Variants in PKP4 observed in about 807,000 individuals in gnomAD.
PKP4 encodes plakophilin 4.
Under a neutral mutation model 145.1 loss-of-function variants are expected in PKP4, and 90 were observed. That is an observed-to-expected ratio of 0.62 (90% CI 0.52 to 0.74). The LOEUF is 0.74. Ranked by LOEUF, PKP4 falls within the 30% of genes least tolerant of loss-of-function variation. The probability of loss-of-function intolerance (pLI) is 0.00; values close to 1 mark genes in which losing one functional copy is unlikely to be tolerated. For missense variants in PKP4, 1,340 were observed against 1,482.7 expected, an observed-to-expected ratio of 0.90 and a Z score of 1.58; for synonymous variants, 563 against 577.2, an observed-to-expected ratio of 0.98 and a Z score of 0.35.
At chr2:158,504,010 A>G (rs1696966352) in intron 1 of PKP4, among the ~76,000 whole-genome samples, 1 of 150,104 alleles carries the variant, frequency 6.7e-6, no homozygotes, top group African/African-American at 2.5e-5. Context: ...TTGAGATATA[A>G]GAAAACATAG....
At chr2:158,642,967 A>T (rs150659282) in intron 11 of PKP4, among the ~76,000 whole-genome samples, 18 of 152,356 alleles carry the variant, frequency 1.2e-4, no homozygotes, top group African/African-American at 4.3e-4. Context: ...AGGACTAAAT[A>T]TGACATTTTT....
intron 7 of PKP4, among the ~76,000 whole-genome samples, chr2:158,631,056 G>A (rs931168768): frequency 3.3e-5 from 5 of 152,092 alleles, no homozygotes; most frequent in Non-Finnish European, 5.9e-5. Flanking sequence ...TCCTGCCTCA[G>A]CCTCCCGAGT....
At chr2:158,594,424 A>G (rs1460630798) in intron 3 of PKP4, among the ~76,000 whole-genome samples, 6 of 152,210 alleles carry the variant, frequency 3.9e-5, no homozygotes, top group Admixed American at 3.3e-4. Context: ...AGGTCATAAC[A>G]CATAAAAATA....
chr2:158,673,584 G>A (rs1440628872), intron 17 of PKP4, 93 bp from the exon 18 acceptor site: 8 of 899,792 alleles, frequency 8.9e-6, no homozygotes, highest in Non-Finnish European at 1.5e-5. Flanking sequence ...TGAGAGCGAT[G>A]GCCTGTTGGC....
chr2:158,461,188 T>G (rs4664960), intron 1 of PKP4, among the ~76,000 whole-genome samples: 57,993 of 152,064 alleles, frequency 0.38, 11,923 homozygotes, highest in East Asian at 0.68. Flanking sequence ...CTTGTCACTT[T>G]AATAATTCAG....
intron 2 of PKP4, among the ~76,000 whole-genome samples, chr2:158,576,402 A>C (rs1414194613): frequency 6.6e-6 from 1 of 152,364 alleles, no homozygotes; most frequent in African/African-American, 2.4e-5. Flanking sequence ...GTGAGGAGAC[A>C]GTATGGCACA....
chr2:158,487,999 A>G (rs1275039293), intron 1 of PKP4, among the ~76,000 whole-genome samples: 1 of 152,150 alleles, frequency 6.6e-6, no homozygotes, highest in African/African-American at 2.4e-5. Flanking sequence ...GGAATTATTC[A>G]TTTCTGATTT....
chr2:158,539,589 T>G (rs935237428), intron 2 of PKP4, among the ~76,000 whole-genome samples: 4 of 152,226 alleles, frequency 2.6e-5, no homozygotes, highest in Non-Finnish European at 5.9e-5. Context: ...ATTGGCAACT[T>G]AGTTATTTTT....
chr2:158,532,382 C>T (rs912474574), intron 1 of PKP4, among the ~76,000 whole-genome samples: 1 of 152,130 alleles, frequency 6.6e-6, no homozygotes, highest in African/African-American at 2.4e-5. Flanking sequence ...ATTTAGCAAA[C>T]ATTAATTGAA....
At chr2:158,550,150 A>G (rs1218584184) in intron 2 of PKP4, among the ~76,000 whole-genome samples, 1 of 101,058 alleles carries the variant, frequency 9.9e-6, no homozygotes, top group Non-Finnish European at 2.8e-5. Context: ...AAGAAGTTAA[A>G]CAATCTATTA....
intron 11 of PKP4, among the ~76,000 whole-genome samples, chr2:158,647,208 T>C (rs767427897): frequency 6.6e-6 from 1 of 152,210 alleles, no homozygotes; most frequent in Non-Finnish European, 1.5e-5. Context: ...ACAAATACCA[T>C]GGCTAGCCTT....
intron 1 of PKP4, among the ~76,000 whole-genome samples, chr2:158,530,291 T>G (rs1261203293): frequency 6.6e-6 from 1 of 152,102 alleles, no homozygotes; most frequent in Admixed American, 6.5e-5. Context: ...CTACCTTCCC[T>G]TTTTCCAAAA....
intron 2 of PKP4, among the ~76,000 whole-genome samples, chr2:158,564,179 G>C (rs1299731730): frequency 7.9e-5 from 12 of 151,896 alleles, no homozygotes; most frequent in African/African-American, 2.9e-4. Context: ...ACCCTTCTGA[G>C]GTGACCAATC....
chr2:158,652,635 T>C (rs1228598474), intron 11 of PKP4, among the ~76,000 whole-genome samples: 1 of 152,234 alleles, frequency 6.6e-6, no homozygotes, highest in Non-Finnish European at 1.5e-5. Context: ...TATTATTATG[T>C]TTGTGCTATT....
chr2:158,494,533 A>G (rs926555106), intron 1 of PKP4, among the ~76,000 whole-genome samples: 4 of 152,228 alleles, frequency 2.6e-5, no homozygotes, highest in Admixed American at 6.5e-5. Flanking sequence ...GTAATCATGG[A>G]TAGTAAAGCA....
intron 1 of PKP4, among the ~76,000 whole-genome samples, chr2:158,485,622 G>C (rs1484101789): frequency 1.3e-5 from 2 of 152,192 alleles, no homozygotes; most frequent in African/African-American, 2.4e-5. Flanking sequence ...TTGATGTGAT[G>C]AATCACTGAG....
chr2:158,678,517 C>T, intron 20 of PKP4, 64 bp from the exon 21 acceptor site: 1 of 1,167,108 alleles, frequency 8.6e-7, no homozygotes. Flanking sequence ...CAGGGGAGAC[C>T]ACCCAGCCTA....
intron 4 of PKP4, among the ~76,000 whole-genome samples, chr2:158,615,649 G>A (rs1205610790): frequency 1.3e-5 from 2 of 152,130 alleles, no homozygotes; most frequent in East Asian, 3.9e-4. Context: ...ATGACCAGGA[G>A]ATCTCTTTTA....
chr2:158,542,976 A>G (rs530353586), intron 2 of PKP4, among the ~76,000 whole-genome samples: 4 of 152,310 alleles, frequency 2.6e-5, no homozygotes, highest in East Asian at 3.9e-4. Flanking sequence ...ACTTAATTCT[A>G]TAAGTGGTAG....
Sources: gnomAD v4.1 joint callset for allele counts (sites outside exome capture counted in the v4.1 genomes callset) on GRCh38, gnomAD v4.1.1 for gene constraint, MANE v1.5 for transcripts, NCBI Gene and HGNC (gene_info 2026-07-23, HGNC 2026-07-21) for gene names.